Variants in CNTNAP2 observed in about 807,000 individuals in gnomAD.
CNTNAP2 encodes contactin associated protein 2.
A neutral mutation model predicts 155.2 loss-of-function variants in CNTNAP2; 98 were observed. The ratio of observed to expected loss-of-function variants is 0.63; its 90% CI spans 0.54 to 0.75. The LOEUF (loss-of-function observed/expected upper bound fraction) is 0.75, where lower values mean the gene tolerates loss of function less well. Among genes scored for constraint, CNTNAP2 ranks in the 30% least tolerant of loss-of-function variants. The pLI, the probability that CNTNAP2 is intolerant of heterozygous loss-of-function variation, is 0.00. For synonymous variants in CNTNAP2, 651 were observed against 631.2 expected (o/e 1.03, Z -0.47); for missense variants, 1,727 against 1,688.1 (o/e 1.02, Z -0.40).
intron 10 of CNTNAP2, among the ~76,000 whole-genome samples, chr7:147,407,053 G>A (rs1563192721): frequency 2.0e-5 from 3 of 152,174 alleles, no homozygotes; most frequent in Non-Finnish European, 4.4e-5. Context: ...ACACACTTCA[G>A]TGAAGACCCC....
At chr7:147,536,482 C>T (rs1308870827) in intron 11 of CNTNAP2, among the ~76,000 whole-genome samples, 1 of 152,168 alleles carries the variant, frequency 6.6e-6, no homozygotes, top group African/African-American at 2.4e-5. Flanking sequence ...TGGGGGACAC[C>T]AAAGGGACAG....
chr7:148,330,755 GA>G, intron 21 of CNTNAP2, among the ~76,000 whole-genome samples: 1 of 150,820 alleles, frequency 6.6e-6, no homozygotes. Context: ...GGATGGAGTG[GA>G]CGGATGGAAT....
chr7:146,931,115 C>A (rs1389133541), intron 3 of CNTNAP2, among the ~76,000 whole-genome samples: 1 of 151,340 alleles, frequency 6.6e-6, no homozygotes, highest in African/African-American at 2.4e-5. Flanking sequence ...CTCTCCACCC[C>A]AAATCAACAG....
chr7:148,334,259 C>T (rs1180204321), intron 21 of CNTNAP2, among the ~76,000 whole-genome samples: 3 of 152,046 alleles, frequency 2.0e-5, no homozygotes, highest in Non-Finnish European at 2.9e-5. Context: ...TGAGGGATCC[C>T]AGGGTCTCTT....
At chr7:148,367,399 A>T (rs1305166832) in intron 21 of CNTNAP2, among the ~76,000 whole-genome samples, 1 of 152,180 alleles carries the variant, frequency 6.6e-6, no homozygotes, top group Non-Finnish European at 1.5e-5. Context: ...AAATGTTCTA[A>T]TATATAATAT....
At chr7:146,870,645 T>C (rs1795287561) in intron 3 of CNTNAP2, among the ~76,000 whole-genome samples, 1 of 152,188 alleles carries the variant, frequency 6.6e-6, no homozygotes, top group Non-Finnish European at 1.5e-5. Flanking sequence ...CATTTCTCAT[T>C]CAAACTAACT....
intron 11 of CNTNAP2, among the ~76,000 whole-genome samples, chr7:147,515,893 A>G (rs1261829353): frequency 6.6e-6 from 1 of 152,228 alleles, no homozygotes; most frequent in African/African-American, 2.4e-5. Context: ...CTGATTCAGT[A>G]GATTTTTCAG....
chr7:148,071,301 A>AC (rs1212428863), intron 15 of CNTNAP2, among the ~76,000 whole-genome samples: 2 of 151,914 alleles, frequency 1.3e-5, no homozygotes, highest in African/African-American at 2.4e-5. Flanking sequence ...ACATGGTGAG[A>AC]CCCCGTCTCT....
chr7:146,996,775 G>C (rs1325635812), intron 3 of CNTNAP2, among the ~76,000 whole-genome samples: 1 of 152,056 alleles, frequency 6.6e-6, no homozygotes, highest in Non-Finnish European at 1.5e-5. Flanking sequence ...CAGATGATAT[G>C]GTTTGGCTGT....
chr7:148,411,137 T>C (rs1799825314), intron 23 of CNTNAP2, among the ~76,000 whole-genome samples: 1 of 152,208 alleles, frequency 6.6e-6, no homozygotes, highest in Non-Finnish European at 1.5e-5. Flanking sequence ...CCACTGAGCC[T>C]CATGCGTAGA....
chr7:146,734,367 G>T (rs937565055), intron 1 of CNTNAP2, among the ~76,000 whole-genome samples: 1 of 152,042 alleles, frequency 6.6e-6, no homozygotes, highest in Non-Finnish European at 1.5e-5. Flanking sequence ...TGACTGAGAA[G>T]AAGAAAATGC....
At chr7:147,191,009 T>C (rs1020595775) in intron 8 of CNTNAP2, among the ~76,000 whole-genome samples, 1 of 151,940 alleles carries the variant, frequency 6.6e-6, no homozygotes, top group African/African-American at 2.4e-5. Flanking sequence ...TTGGAAGATG[T>C]AAAGACATAT....
intron 1 of CNTNAP2, among the ~76,000 whole-genome samples, chr7:146,399,252 C>A (rs1275613122): frequency 6.6e-6 from 1 of 152,156 alleles, no homozygotes; most frequent in Non-Finnish European, 1.5e-5. Flanking sequence ...CCATGATATA[C>A]AATCAATCTC....
intron 1 of CNTNAP2, among the ~76,000 whole-genome samples, chr7:146,441,592 C>G (rs1364213464): frequency 6.6e-6 from 1 of 151,472 alleles, no homozygotes; most frequent in East Asian, 1.9e-4. Flanking sequence ...ACCTGGCATG[C>G]ATTTCCTCTT....
At chr7:147,578,765 T>C (rs1273310955) in intron 12 of CNTNAP2, among the ~76,000 whole-genome samples, 1 of 152,038 alleles carries the variant, frequency 6.6e-6, no homozygotes, top group Non-Finnish European at 1.5e-5. Flanking sequence ...TTTAGAAAAC[T>C]ACAAAAGAAA....
At chr7:147,330,641 T>C (rs1182135679) in intron 9 of CNTNAP2, among the ~76,000 whole-genome samples, 1 of 152,164 alleles carries the variant, frequency 6.6e-6, no homozygotes, top group African/African-American at 2.4e-5. Context: ...AGTTGTAGAG[T>C]TGCTTTACTC....
intron 1 of CNTNAP2, among the ~76,000 whole-genome samples, chr7:146,295,301 C>T (rs1431597717): frequency 6.6e-6 from 1 of 151,068 alleles, no homozygotes; most frequent in Non-Finnish European, 1.5e-5. Context: ...AAGTTAGAGG[C>T]TGCAAAAACT....
chr7:147,589,414 C>T lies in CNTNAP2; in HGVS notation c.1897+27157C>T, dbSNP rs1800696863. Among the ~76,000 whole-genome samples, 4 of 152,228 alleles carry T rather than the reference C, an allele frequency of 2.6e-5. No homozygotes were observed. In the South Asian group the frequency reaches 8.3e-4, roughly 32 times the overall value. ...AAAGGCTTATGGACCCAGCAGCCCT[C>T]CAAACAGCAAGGAGCATGTCAATAA... is the stretch of plus-strand genomic sequence containing the variant. On this transcript the variant is annotated intron_variant, in intron 12 of 23. Transcript: ENST00000361727.
chr7:146,912,088 T>G (rs1796295256), intron 3 of CNTNAP2, among the ~76,000 whole-genome samples: 1 of 151,414 alleles, frequency 6.6e-6, no homozygotes, highest in South Asian at 2.1e-4. Flanking sequence ...GGGTCCTGAA[T>G]CACGATGTTT....
Sources: gnomAD v4.1 joint callset for allele counts (sites outside exome capture counted in the v4.1 genomes callset) on GRCh38, gnomAD v4.1.1 for gene constraint, MANE v1.5 for transcripts, NCBI Gene and HGNC (gene_info 2026-07-23, HGNC 2026-07-21) for gene names.